The following SPINK5 variants were observed in gnomAD, a reference collection of about 807,000 sequenced individuals.
SPINK5 encodes serine peptidase inhibitor Kazal type 5.
A neutral mutation model predicts 151.8 loss-of-function variants in SPINK5; 125 were observed. The observed-to-expected ratio is 0.82, with a 90% CI of 0.71 to 0.96. SPINK5 has a LOEUF of 0.96. SPINK5 is among the 40% of genes least tolerant of loss of function. SPINK5 has a pLI of 0.00. For synonymous variants in SPINK5, 374 were observed against 395.3 expected, an observed-to-expected ratio of 0.95 and a Z score of 0.64; for missense variants, 1,194 against 1,291.9, an observed-to-expected ratio of 0.92 and a Z score of 1.16.
intron 20 of SPINK5, among the ~76,000 whole-genome samples, chr5:148,113,649 T>C (rs934378547): frequency 1.2e-4 from 18 of 152,230 alleles, no homozygotes; most frequent in Admixed American, 3.9e-4. Context: ...TCAAAGACTA[T>C]TGAGATTAAA....
At chr5:148,109,522 A>G (rs1387889382) in intron 18 of SPINK5, among the ~76,000 whole-genome samples, 1 of 150,140 alleles carries the variant, frequency 6.7e-6, no homozygotes, top group East Asian at 1.9e-4. Flanking sequence ...CATAAATATT[A>G]TATGATACAA....
At chr5:148,104,730 C>T (rs999685272) in intron 15 of SPINK5, among the ~76,000 whole-genome samples, 4 of 151,924 alleles carry the variant, frequency 2.6e-5, no homozygotes, top group African/African-American at 9.7e-5. Flanking sequence ...CCCGTCTCTA[C>T]TAAAAATACA....
At chr5:148,094,208 A>G in intron 8 of SPINK5, 146 bp from the exon 9 acceptor site, 1 of 812,272 alleles carries the variant, frequency 1.2e-6, no homozygotes, top group South Asian at 1.7e-5. Context: ...AGGTGGAAGG[A>G]TCTCTGAGCC....
chr5:148,113,048 T>C, intron 20 of SPINK5, 114 bp downstream of exon 20: 1 of 1,522,354 alleles, frequency 6.6e-7, no homozygotes, highest in Non-Finnish European at 8.9e-7. Context: ...GGGGTTCATT[T>C]AGTCCAGGGG....
intron 28 of SPINK5, chr5:148,125,039 C>A (rs553256114): frequency 1.4e-5 from 10 of 706,944 alleles, no homozygotes; most frequent in African/African-American, 1.9e-5. Context: ...GTAGAAAATT[C>A]TCTGAGAGTG....
intron 27 of SPINK5, 80 bp downstream of exon 27, chr5:148,124,040 A>G: frequency 6.6e-7 from 1 of 1,521,204 alleles, no homozygotes; most frequent in South Asian, 1.2e-5. Flanking sequence ...TTAAAACCTA[A>G]GATACTTGGC....
At chr5:148,080,594 A>T (rs1175779648) in intron 4 of SPINK5, among the ~76,000 whole-genome samples, 1 of 151,388 alleles carries the variant, frequency 6.6e-6, no homozygotes, top group Non-Finnish European at 1.5e-5. Flanking sequence ...ATTGAATATA[A>T]TTAATTTTAA....
intron 4 of SPINK5, among the ~76,000 whole-genome samples, chr5:148,078,114 G>A (rs917647773): frequency 1.3e-5 from 2 of 150,986 alleles, no homozygotes; most frequent in African/African-American, 4.8e-5. Context: ...TCGGTACCAT[G>A]CTAAGTTTAA....
intron 7 of SPINK5, chr5:148,090,732 G>A: frequency 5.7e-6 from 1 of 176,602 alleles, no homozygotes; most frequent in Non-Finnish European, 1.2e-5. Flanking sequence ...GGTGTGGATG[G>A]CAATGTCTCA....
intron 32 of SPINK5, 145 bp downstream of exon 32, chr5:148,134,032 A>T: frequency 1.3e-6 from 1 of 762,618 alleles, no homozygotes; most frequent in Non-Finnish European, 2.3e-6. Flanking sequence ...TCACATTTTC[A>T]CTATAAGGAT....
intron 12 of SPINK5, among the ~76,000 whole-genome samples, chr5:148,099,845 T>C (rs1388728426): frequency 6.6e-6 from 1 of 152,092 alleles, no homozygotes; most frequent in Non-Finnish European, 1.5e-5. Flanking sequence ...GTTGGAGTAA[T>C]GTTTCAAAAT....
intron 4 of SPINK5, among the ~76,000 whole-genome samples, chr5:148,078,825 T>G (rs1026726820): frequency 1.3e-5 from 2 of 150,802 alleles, no homozygotes; most frequent in East Asian, 2.0e-4. Flanking sequence ...AAATAAGAGA[T>G]AGGATTCAAT....
At chr5:148,085,152 CAT>C (rs1250931956) in intron 4 of SPINK5, among the ~76,000 whole-genome samples, 3 of 151,934 alleles carry the variant, frequency 2.0e-5, no homozygotes, top group South Asian at 4.1e-4. Context: ...TCTTTCTAAA[CAT>C]ATGAATAGTG....
intron 16 of SPINK5, among the ~76,000 whole-genome samples, chr5:148,106,080 A>T (rs1282118873): frequency 6.6e-6 from 1 of 152,054 alleles, no homozygotes; most frequent in Admixed American, 6.6e-5. Flanking sequence ...GATCATTTAG[A>T]ATTGAAAATG....
intron 26 of SPINK5, among the ~76,000 whole-genome samples, chr5:148,121,633 A>G (rs984667191): frequency 2.8e-5 from 4 of 142,196 alleles, no homozygotes; most frequent in African/African-American, 1.0e-4. Flanking sequence ...ATATATTTAT[A>G]TATAGAAAAT....
chr5:148,131,899 A>G (rs2400477), intron 31 of SPINK5, among the ~76,000 whole-genome samples: 85,096 of 151,960 alleles, frequency 0.56, 24,546 homozygotes, highest in Admixed American at 0.65. Flanking sequence ...ATAAATAAAT[A>G]GCTGATCTGA....
At position 148,137,081 on chromosome 5, in the gene SPINK5, G is replaced by A. The variant is rs978677310; in HGVS notation, c.*90G>A. 112 of 1,530,624 alleles carry A rather than the reference G, an allele frequency of 7.3e-5. No homozygotes were observed. Among genetic ancestry groups the A allele is most frequent in the Middle Eastern group, 1.7e-4 (1 of 5,904 alleles). 94.8% of individuals were successfully genotyped at this position (1,530,624 alleles called of 1,614,324 possible). The stretch of plus-strand genomic sequence containing the variant: ...CATCTGTATATACAAAGAATTCTTC[G>A]GAGCTTGTCTTATTTGCTATAGAAA... On this transcript the variant is annotated 3_prime_UTR_variant, in exon 33 of 33. Coordinates refer to ENST00000256084, the MANE Select transcript of SPINK5 (RefSeq NM_006846.4).
intron 18 of SPINK5, among the ~76,000 whole-genome samples, chr5:148,109,618 G>A (rs1255736666): frequency 6.6e-6 from 1 of 151,904 alleles, no homozygotes; most frequent in South Asian, 2.1e-4. Context: ...TAAGGCCCAT[G>A]ATGCACTTTA....
intron 4 of SPINK5, among the ~76,000 whole-genome samples, chr5:148,073,222 C>T (rs1752787562): frequency 6.6e-6 from 1 of 151,888 alleles, no homozygotes; most frequent in Non-Finnish European, 1.5e-5. Context: ...TTAAAATAAT[C>T]AGTCAAGGTT....
Sources: gnomAD v4.1 joint callset for allele counts (sites outside exome capture counted in the v4.1 genomes callset) on GRCh38, gnomAD v4.1.1 for gene constraint, MANE v1.5 for transcripts, NCBI Gene and HGNC (gene_info 2026-07-23, HGNC 2026-07-21) for gene names.